SH3GL2: variants seen among roughly 807,000 people sequenced by gnomAD.
SH3GL2 encodes the protein SH3 domain containing GRB2 like 2, endophilin A1.
In SH3GL2, 24 loss-of-function variants were observed where a neutral mutation model predicts 46.0. That is an observed-to-expected ratio of 0.52 (90% confidence interval 0.38 to 0.73). The LOEUF (loss-of-function observed/expected upper bound fraction) is 0.73. SH3GL2 is among the 30% of genes least tolerant of loss of function. The pLI, the probability that SH3GL2 is intolerant of heterozygous loss-of-function variation, is 0.00. For synonymous variants in SH3GL2, 196 were observed against 147.1 expected (o/e 1.33, Z -2.40); for missense variants, 413 against 424.2 (o/e 0.97, Z 0.23).
intron 1 of SH3GL2, among the ~76,000 whole-genome samples, chr9:17,708,318 T>A (rs3808694): frequency 0.095 from 14,486 of 151,942 alleles, 2,279 homozygotes; most frequent in African/African-American, 0.33. Context: ...ATTTTGTTTC[T>A]GCTTAAATGA....
At chr9:17,664,492 T>C (rs549999635) in intron 1 of SH3GL2, among the ~76,000 whole-genome samples, 1 of 152,202 alleles carries the variant, frequency 6.6e-6, no homozygotes, top group East Asian at 1.9e-4. Flanking sequence ...ATAATGATCT[T>C]GAGCTCACAT....
At chr9:17,711,197 T>A (rs528455391) in intron 1 of SH3GL2, among the ~76,000 whole-genome samples, 63 of 152,010 alleles carry the variant, frequency 4.1e-4, no homozygotes, top group African/African-American at 1.5e-3. Flanking sequence ...ACTGAAGTAC[T>A]TTTGTTACCA....
chr9:17,730,334 C>T (rs1822140982), intron 1 of SH3GL2, among the ~76,000 whole-genome samples: 2 of 152,058 alleles, frequency 1.3e-5, no homozygotes, highest in Admixed American at 6.6e-5. Flanking sequence ...GCTGAAGTTG[C>T]TTATCAGCTT....
intron 1 of SH3GL2, among the ~76,000 whole-genome samples, chr9:17,738,124 T>A: frequency 6.6e-6 from 1 of 152,150 alleles, no homozygotes; most frequent in East Asian, 1.9e-4. Context: ...CATGTGCCTG[T>A]TTTATTTGCA....
chr9:17,711,738 C>G (rs1588264190), intron 1 of SH3GL2, among the ~76,000 whole-genome samples: 2 of 151,766 alleles, frequency 1.3e-5, no homozygotes, highest in African/African-American at 4.8e-5. Context: ...GGGTTGTTTT[C>G]AGCTTTGGAG....
At chr9:17,604,977 ATT>A (rs138726944) in intron 1 of SH3GL2, among the ~76,000 whole-genome samples, 96,075 of 137,408 alleles carry the variant, frequency 0.7, 35,155 homozygotes, top group Non-Finnish European at 0.82. Flanking sequence ...TTCACAAGTC[ATT>A]TTTTTTTTTT....
At chr9:17,695,008 A>G (rs1189791477) in intron 1 of SH3GL2, among the ~76,000 whole-genome samples, 1 of 152,140 alleles carries the variant, frequency 6.6e-6, no homozygotes, top group Admixed American at 6.6e-5. Context: ...ACATGAATAA[A>G]TCATTATGAA....
At chr9:17,786,741 A>G (rs892388932) in intron 4 of SH3GL2, among the ~76,000 whole-genome samples, 1 of 151,734 alleles carries the variant, frequency 6.6e-6, no homozygotes, top group East Asian at 1.9e-4. Context: ...CCACTATAAG[A>G]CCTCAGTCTT....
intron 1 of SH3GL2, among the ~76,000 whole-genome samples, chr9:17,606,275 T>G (rs918668652): frequency 2.0e-5 from 3 of 152,256 alleles, no homozygotes; most frequent in African/African-American, 7.2e-5. Flanking sequence ...GGAGTTTTAA[T>G]AGAGACGAGG....
intron 1 of SH3GL2, among the ~76,000 whole-genome samples, chr9:17,728,189 G>A (rs1822071628): frequency 6.6e-6 from 1 of 152,024 alleles, no homozygotes; most frequent in African/African-American, 2.4e-5. Context: ...TCATTCTTTA[G>A]GAACCTGACT....
chr9:17,757,415 C>G (rs1269855152), intron 2 of SH3GL2, among the ~76,000 whole-genome samples: 1 of 152,158 alleles, frequency 6.6e-6, no homozygotes, highest in Admixed American at 6.5e-5. Flanking sequence ...ATTCATCTGA[C>G]AAAGAGCTAA....
chr9:17,609,505 C>A (rs913682755), intron 1 of SH3GL2, among the ~76,000 whole-genome samples: 1 of 152,010 alleles, frequency 6.6e-6, no homozygotes, highest in Non-Finnish European at 1.5e-5. Flanking sequence ...GGGAGCTCTC[C>A]GTGGGGCCAC....
At chr9:17,686,372 T>A (rs768876600) in intron 1 of SH3GL2, among the ~76,000 whole-genome samples, 6,048 of 130,582 alleles carry the variant, frequency 0.046, 149 homozygotes, top group Admixed American at 0.12. Context: ...ATTGTGGAAG[T>A]CGGTGTGGCG....
intron 1 of SH3GL2, among the ~76,000 whole-genome samples, chr9:17,653,668 G>A (rs1367845342): frequency 1.3e-5 from 2 of 152,152 alleles, no homozygotes; most frequent in Admixed American, 6.6e-5. Context: ...AAGGTGATTA[G>A]GCCATGAGAG....
rs531483634 is a variant in SH3GL2 at position 17,636,098 on chromosome 9, G to A, written c.45+56811G>A. On this transcript the variant is annotated intron_variant, in intron 1 of 8. Transcript: ENST00000380607. ...TAATATAACTGGAGTTAGATGTTGG[G>A]GTTTCTCAGTCTGTGGACAAATATG... Among the ~76,000 whole-genome samples, 6 of 152,190 alleles carry A rather than the reference G, an allele frequency of 3.9e-5. No homozygotes were observed. The East Asian group carries it at 5.8e-4, about 15-fold the overall frequency.
At chr9:17,675,390 G>C (rs1820580288) in intron 1 of SH3GL2, among the ~76,000 whole-genome samples, 1 of 152,180 alleles carries the variant, frequency 6.6e-6, no homozygotes, top group Non-Finnish European at 1.5e-5. Flanking sequence ...TTGAGATAAA[G>C]TAGTGCTGTG....
At chr9:17,731,308 C>T (rs7874191) in intron 1 of SH3GL2, among the ~76,000 whole-genome samples, 4,540 of 151,820 alleles carry the variant, frequency 0.03, 88 homozygotes, top group African/African-American at 0.048. Context: ...AGATGGGGCC[C>T]TTGGGAGGTG....
intron 3 of SH3GL2, 131 bp downstream of exon 3, chr9:17,761,640 C>T (rs925209408): frequency 1.3e-5 from 10 of 765,990 alleles, no homozygotes; most frequent in African/African-American, 1.7e-5. Flanking sequence ...GAGAGGTTAG[C>T]GACTTCATGG....
chr9:17,774,523 T>C (rs1231760542), intron 3 of SH3GL2, among the ~76,000 whole-genome samples: 2 of 151,740 alleles, frequency 1.3e-5, no homozygotes, highest in Non-Finnish European at 2.9e-5. Flanking sequence ...CACTTATTCC[T>C]GCATCAATTG....
Sources: gnomAD v4.1 joint callset for allele counts (sites outside exome capture counted in the v4.1 genomes callset) on GRCh38, gnomAD v4.1.1 for gene constraint, MANE v1.5 for transcripts, NCBI Gene and HGNC (gene_info 2026-07-23, HGNC 2026-07-21) for gene names.